CSNK1E: variants seen among roughly 807,000 people sequenced by gnomAD.
CSNK1E encodes the protein casein kinase I isoform epsilon.
CSNK1E carries 17 observed loss-of-function variants against 46.1 expected under a neutral mutation model. The ratio of observed to expected loss-of-function variants is 0.37; its 90% CI spans 0.25 to 0.55. The LOEUF is 0.55. Ranked by LOEUF, CSNK1E falls within the 20% of genes least tolerant of loss-of-function variation. The pLI is 0.82. For missense variants in CSNK1E, 386 were observed against 595.4 expected, an observed-to-expected ratio of 0.65 and a Z score of 3.66; for synonymous variants, 241 against 242.6, an observed-to-expected ratio of 0.99 and a Z score of 0.06.
intron 2 of CSNK1E, among the ~76,000 whole-genome samples, chr22:38,311,878 C>T (rs571134814): frequency 6.6e-6 from 1 of 151,172 alleles, no homozygotes; most frequent in African/African-American, 2.4e-5. Flanking sequence ...GATCTCAGCT[C>T]ACTGCAACCT....
rs747740442 is a variant in CSNK1E, at chr22:38,294,431, G to A, written c.989C>T (p.Pro330Leu). 1.3e-6 allele frequency: 2 copies of A among 1,565,842 alleles called. No homozygotes were observed. The highest frequency in any genetic ancestry group is 1.9e-5 in the Admixed American group (1 of 53,618). ...LRGSATRALP[P>L]GPPTGATANR... ...GGCAGTGGCCCCCGTGGGTGGGCCA[G>A]GGGGCAGGGCTCGGGTCGCGGACCC... The change falls in exon 8 of 11, where the codon CCT (proline) becomes CTT (leucine). Residue 330 changes from proline (P) to leucine (L), a missense_variant. Coordinates refer to ENST00000396832, the MANE Select transcript of CSNK1E (RefSeq NM_152221.3). The surrounding 1 kb of genome is among the most constrained non-coding windows in gnomAD (Gnocchi z 5.5).
In CSNK1E at chr22:38,298,607, A is replaced by C. The variant is rs1041323683; in HGVS notation, c.885+179T>G. 4 of 689,536 alleles carry C rather than the reference A, an allele frequency of 5.8e-6. No individual in the cohort carries two copies. The African/African-American group carries it at 7.2e-5, about 12-fold the overall frequency. 42.7% of individuals were successfully genotyped at this position (689,536 alleles called of 1,614,324 possible). A position where few individuals can be genotyped will look rare whatever the true frequency, so the allele number is the denominator to read the frequency against. On this transcript the variant is annotated intron_variant, in intron 7 of 10. Coordinates refer to ENST00000396832, the MANE Select transcript of CSNK1E (RefSeq NM_152221.3). The surrounding 1 kb of genome is among the most constrained non-coding windows in gnomAD (Gnocchi z 4.2). Reference sequence around the variant, plus strand: ...TGGGCCCTGCTGCCCATGGTGGCACAAGCTGTCAGCACGGATGAGGCTGGA... The same window carrying C: ...TGGGCCCTGCTGCCCATGGTGGCACCAGCTGTCAGCACGGATGAGGCTGGA...
chr22:38,313,413 T>C (rs1327427403), intron 2 of CSNK1E, among the ~76,000 whole-genome samples: 1 of 152,214 alleles, frequency 6.6e-6, no homozygotes, highest in Non-Finnish European at 1.5e-5. Flanking sequence ...CCAAGACTCA[T>C]GACCGTGCCC....
chr22:38,300,086 T>C lies in CSNK1E; in HGVS notation c.566-21A>G. On this transcript the variant is annotated intron_variant, in intron 5 of 10. Transcript: ENST00000396832. This position sits in a 1 kb window ranked among gnomAD's most constrained non-coding sequence, Gnocchi z 4.4. Reference sequence around the variant, plus strand: ...TTGCTCTGCACAGAGAGTCAAAGACTAGGTGAGGGACAGGGGTCCACTCAG... The same window carrying C: ...TTGCTCTGCACAGAGAGTCAAAGACCAGGTGAGGGACAGGGGTCCACTCAG... The C allele has an allele frequency of 1.9e-6, 3 of 1,609,986 alleles. No homozygotes were observed. Among genetic ancestry groups the C allele is most frequent in the Non-Finnish European group, 1.7e-6 (2 of 1,177,394 alleles).
At chr22:38,296,400 C>A in intron 7 of CSNK1E, 3 of 1,412,550 alleles carry the variant, frequency 2.1e-6, no homozygotes, top group African/African-American at 1.5e-5. Context: ...CAGATCCCAG[C>A]ACCCCGGTGC....
In CSNK1E at chr22:38,294,458, C is replaced by A; in HGVS notation, c.962G>T (p.Arg321Leu). ...GGGCAGGGCTCGGGTCGCGGACCCC[C>A]GTAGCTGCCCCATCCTCTCCTCGCG... Reference protein sequence around the residue: ...HEREERMGQLRGSATRALPPG... With the variant: ...HEREERMGQLLGSATRALPPG... Residue 321 changes from arginine to leucine, a missense_variant, in exon 8 of 11, where the codon CGG becomes CTG. Arg to Leu is a moderately radical substitution (Grantham distance 102). Transcript: ENST00000396832. This position sits in a 1 kb window ranked among gnomAD's most constrained non-coding sequence, Gnocchi z 5.5. 1 of 1,582,662 alleles carries A rather than the reference C, an allele frequency of 6.3e-7. No homozygotes were observed. Among genetic ancestry groups the A allele is most frequent in the East Asian group, 2.4e-5 (1 of 42,510 alleles).
At chr22:38,308,541 T>C (rs1326713177) in intron 2 of CSNK1E, among the ~76,000 whole-genome samples, 1 of 152,088 alleles carries the variant, frequency 6.6e-6, no homozygotes, top group Non-Finnish European at 1.5e-5. Flanking sequence ...GAGCCCCAGG[T>C]ACCTCATGTG....
chr22:38,293,092 G>T, intron 10 of CSNK1E, 163 bp downstream of exon 10: 1 of 642,186 alleles, frequency 1.6e-6, no homozygotes, highest in East Asian at 2.7e-5. Flanking sequence ...GGCAGCCTCC[G>T]AGGTTTTAAA....
At chr22:38,304,482 C>A (rs758804570) in intron 2 of CSNK1E, among the ~76,000 whole-genome samples, 3 of 152,180 alleles carry the variant, frequency 2.0e-5, no homozygotes, top group Admixed American at 6.5e-5. Context: ...GCCCAAGCAA[C>A]CCCACTCCTG....
rs781393211 is a variant in CSNK1E, at chr22:38,302,843, G to A, written c.336+18C>T. On this transcript the variant is annotated intron_variant, in intron 4 of 10. Coordinates refer to ENST00000396832, the MANE Select transcript of CSNK1E (RefSeq NM_152221.3). The stretch of plus-strand genomic sequence containing the variant: ...GCCCACAGGCATCTGGCTGGGGATG[G>A]AGGGGACGGGGACTCACCATCTGGT... 2.5e-6 allele frequency: 4 copies of A among 1,613,564 alleles called. No homozygotes were observed. The Admixed American group carries it at 5.0e-5, about 20-fold the overall frequency.
In CSNK1E at chr22:38,294,561, G is replaced by C. The variant is rs1282139742; in HGVS notation, c.886-27C>G. 4.5e-6 allele frequency: 7 copies of C among 1,556,412 alleles called. No homozygotes were observed. The highest frequency in any genetic ancestry group is 6.1e-6 in the Non-Finnish European group (7 of 1,153,276). ...TGCAGGGATGCAAGAAAAGACACCA[G>C]TCAGCCCCAGAGGCCAGGGTGCTCT... On this transcript the variant is annotated intron_variant, in intron 7 of 10. Transcript: ENST00000396832. This position sits in a 1 kb window ranked among gnomAD's most constrained non-coding sequence, Gnocchi z 5.5.
intron 2 of CSNK1E, among the ~76,000 whole-genome samples, chr22:38,312,232 G>C (rs915194341): frequency 6.6e-6 from 1 of 152,224 alleles, no homozygotes; most frequent in Non-Finnish European, 1.5e-5. Flanking sequence ...GAGATTACAG[G>C]CGCGTGCCGC....
intron 2 of CSNK1E, among the ~76,000 whole-genome samples, chr22:38,305,104 G>GCAACCCAGCT (rs2092692024): frequency 7.6e-6 from 1 of 130,820 alleles, no homozygotes; most frequent in African/African-American, 2.9e-5. Context: ...CCTGGGTGAC[G>GCAACCCAGCT]GAGTGAAACT....
rs2075983 is a variant in CSNK1E, at chr22:38,294,692, A to T, written c.886-158T>A. ...ACAAGCGCGGGAAGCCAAGACCCAC[A>T]ATCACACAGCACAGAGACACGAAGC... On this transcript the variant is annotated intron_variant, in intron 7 of 10. Transcript: ENST00000396832. The surrounding 1 kb of genome is among the most constrained non-coding windows in gnomAD (Gnocchi z 5.5). Among the ~76,000 whole-genome samples, 1 of 151,954 alleles carries T rather than the reference A, an allele frequency of 6.6e-6. No individual in the cohort carries two copies. The highest frequency in any genetic ancestry group is 6.6e-5 in the Admixed American group (1 of 15,266).
rs1284016345 is a variant in CSNK1E, at chr22:38,299,811, G to A, written c.736+84C>T. 4.0e-6 allele frequency: 6 copies of A among 1,497,346 alleles called. No homozygotes were observed. In the Admixed American group the frequency reaches 5.6e-5, roughly 14 times the overall value. 92.8% of individuals were successfully genotyped at this position (1,497,346 alleles called of 1,614,324 possible). A position where few individuals can be genotyped will look rare whatever the true frequency, so the allele number is the denominator to read the frequency against. ...GCGTGAACCACCGCGCCTAGCCCCA[G>A]CGTGGGCTTTGTATGGCCTCACCTT... On this transcript the variant is annotated intron_variant, in intron 6 of 10. Transcript: ENST00000396832.
intron 6 of CSNK1E, among the ~76,000 whole-genome samples, 160 bp from the exon 7 acceptor site, chr22:38,299,094 T>C (rs1534891): frequency 0.9 from 136,423 of 152,208 alleles, 61,250 homozygotes; most frequent in African/African-American, 0.95. Context: ...CCTATCCTAC[T>C]GTGATGAAAG....
intron 7 of CSNK1E, chr22:38,296,572 C>T (rs939646449): frequency 6.2e-7 from 1 of 1,612,280 alleles, no homozygotes; most frequent in Non-Finnish European, 8.5e-7. Flanking sequence ...CAGAGATTGG[C>T]AAAGGATAAG....
rs2092685025 is a variant in CSNK1E, at chr22:38,303,594, G to A, written c.77-346C>T. Among the ~76,000 whole-genome samples the A allele has an allele frequency of 6.6e-6, 1 of 152,202 alleles. No homozygotes were observed. The highest frequency in any genetic ancestry group is 1.5e-5 in the Non-Finnish European group (1 of 68,026). On this transcript the variant is annotated intron_variant, in intron 2 of 10. Coordinates refer to ENST00000396832, the MANE Select transcript of CSNK1E (RefSeq NM_152221.3). This position sits in a 1 kb window ranked among gnomAD's most constrained non-coding sequence, Gnocchi z 4.7. ...CTGAGTCCTAGAGCAAATTCAGGCA[G>A]TGAGGTCTGTCGGGTTGAGATGGTG...
rs1011482639 is a variant in CSNK1E, at chr22:38,303,881, C to T, written c.77-633G>A. ...TAAATGGCGGCCTTGAGATCAACCC[C>T]GGCTCTGCTGGCCTCCAGCATAGGT... On this transcript the variant is annotated intron_variant, in intron 2 of 10. Coordinates refer to ENST00000396832, the MANE Select transcript of CSNK1E (RefSeq NM_152221.3). This position sits in a 1 kb window ranked among gnomAD's most constrained non-coding sequence, Gnocchi z 4.7. 2.0e-5 allele frequency among the ~76,000 whole-genome samples: 3 copies of T among 152,216 alleles called. No individual in the cohort carries two copies. The highest frequency in any genetic ancestry group is 2.9e-5 in the Non-Finnish European group (2 of 68,038).
Sources: allele counts gnomAD v4.1 joint callset (sites outside exome capture counted in the v4.1 genomes callset), GRCh38; gene constraint gnomAD v4.1.1; non-coding constraint Gnocchi (gnomAD v3.1); transcripts MANE v1.5; gene names NCBI Gene and HGNC (gene_info 2026-07-23, HGNC 2026-07-21).